BZW2: variants seen among roughly 807,000 people sequenced by gnomAD.
The protein encoded by BZW2 is eIF5-mimic protein 1.
A neutral mutation model predicts 53.2 loss-of-function variants in BZW2; 23 were observed. The observed-to-expected ratio is 0.43, with a 90% CI of 0.31 to 0.61. The LOEUF is 0.61. BZW2 is among the 20% of genes least tolerant of loss of function. The probability of loss-of-function intolerance (pLI) is 0.09; values close to 1 mark genes in which losing one functional copy is unlikely to be tolerated. For synonymous variants in BZW2, 227 were observed against 186.4 expected (o/e 1.22, Z -1.77); for missense variants, 409 against 503.1 (o/e 0.81, Z 1.79).
intron 3 of BZW2, among the ~76,000 whole-genome samples, chr7:16,677,722 C>A (rs769076623): frequency 3.3e-5 from 5 of 152,106 alleles, no homozygotes; most frequent in Non-Finnish European, 7.3e-5. Context: ...GGGATTATTT[C>A]TTTGGCACAC....
rs1782941732 is a variant in BZW2, at chr7:16,681,411, C to T, written c.339+7C>T. On this transcript the variant is annotated splice_region_variant and intron_variant, in intron 4 of 11. Coordinates refer to ENST00000258761, the MANE Select transcript of BZW2 (RefSeq NM_014038.3). ...CATCCGAAACTATGCTCAGGTAGAG[C>T]CTGTTTGAGAGACTGAAGCATTTGA... is the stretch of plus-strand genomic sequence containing the variant. 4.3e-6 allele frequency: 7 copies of T among 1,609,812 alleles called. No homozygotes were observed. Among genetic ancestry groups the T allele is most frequent in the Non-Finnish European group, 5.9e-6 (7 of 1,176,474 alleles).
chr7:16,659,409 G>A (rs1480820508), intron 1 of BZW2, among the ~76,000 whole-genome samples: 15 of 152,222 alleles, frequency 9.9e-5, no homozygotes, highest in Admixed American at 6.5e-5. Context: ...AAATTGTATA[G>A]TGTTATTATA....
At chr7:16,666,050 G>GT (rs976538732) in intron 2 of BZW2, among the ~76,000 whole-genome samples, 1 of 151,950 alleles carries the variant, frequency 6.6e-6, no homozygotes, top group Non-Finnish European at 1.5e-5. Flanking sequence ...GTGAGTGACT[G>GT]TTTTTTTATA....
At chr7:16,646,905 C>T (rs1005930059) in intron 1 of BZW2, among the ~76,000 whole-genome samples, 13 of 152,252 alleles carry the variant, frequency 8.5e-5, no homozygotes, top group South Asian at 8.3e-4. Context: ...CTTCTTTGCT[C>T]TGCTAGAGTT....
chr7:16,659,012 A>G (rs918817538), intron 1 of BZW2, among the ~76,000 whole-genome samples: 1 of 151,922 alleles, frequency 6.6e-6, no homozygotes, highest in Middle Eastern at 3.4e-3. Flanking sequence ...GAGGAATCCC[A>G]GCAATTTGGG....
chr7:16,677,991 T>C (rs1407561151), intron 3 of BZW2, among the ~76,000 whole-genome samples: 1 of 152,056 alleles, frequency 6.6e-6, no homozygotes, highest in East Asian at 1.9e-4. Context: ...ACGTAAGGAC[T>C]GAAGCCAGCT....
At chr7:16,680,333 T>G (rs1202881563) in intron 3 of BZW2, among the ~76,000 whole-genome samples, 1 of 152,154 alleles carries the variant, frequency 6.6e-6, no homozygotes, top group African/African-American at 2.4e-5. Context: ...TTACTGAATA[T>G]TTACTGAAAA....
At chr7:16,650,081 C>T (rs1034368951) in intron 1 of BZW2, among the ~76,000 whole-genome samples, 4 of 151,938 alleles carry the variant, frequency 2.6e-5, no homozygotes, top group East Asian at 1.9e-4. Context: ...CTTGGAGTTT[C>T]GCTTATGTGA....
At chr7:16,687,741 A>C (rs972783146) in intron 6 of BZW2, among the ~76,000 whole-genome samples, 7 of 152,264 alleles carry the variant, frequency 4.6e-5, no homozygotes, top group Non-Finnish European at 1.0e-4. Context: ...AGAAATAAAG[A>C]AAATGGTTAA....
intron 1 of BZW2, among the ~76,000 whole-genome samples, chr7:16,658,575 A>G (rs553231395): frequency 1.3e-5 from 2 of 152,148 alleles, no homozygotes; most frequent in South Asian, 2.1e-4. Context: ...TCTTTTTTCT[A>G]ATATAAAAAT....
At chr7:16,688,161 A>T (rs531737631) in intron 6 of BZW2, among the ~76,000 whole-genome samples, 1 of 152,308 alleles carries the variant, frequency 6.6e-6, no homozygotes, top group East Asian at 1.9e-4. Context: ...TCAAATTGGT[A>T]TATAAGGACA....
chr7:16,704,478 A>G, intron 10 of BZW2, 69 bp from the exon 11 acceptor site: 1 of 1,396,744 alleles, frequency 7.2e-7, no homozygotes, highest in African/African-American at 1.4e-5. Context: ...ATTAAACTGT[A>G]ATACATGAAG....
At chr7:16,684,448 T>C (rs532884069) in intron 5 of BZW2, among the ~76,000 whole-genome samples, 6 of 152,326 alleles carry the variant, frequency 3.9e-5, no homozygotes, top group Admixed American at 2.0e-4. Flanking sequence ...ATTAATATAA[T>C]TGAGCAATGT....
At chr7:16,652,739 G>T (rs956795447) in intron 1 of BZW2, among the ~76,000 whole-genome samples, 2 of 152,056 alleles carry the variant, frequency 1.3e-5, no homozygotes, top group South Asian at 4.1e-4. Context: ...TGGCCAGGCT[G>T]GTTTCGAACA....
chr7:16,704,350 T>A (rs1783767801), intron 10 of BZW2, among the ~76,000 whole-genome samples, 197 bp from the exon 11 acceptor site: 1 of 152,242 alleles, frequency 6.6e-6, no homozygotes, highest in Non-Finnish European at 1.5e-5. Context: ...ATCATCATCA[T>A]CAGTACTTAA....
chr7:16,658,601 G>C (rs1485877888), intron 1 of BZW2, among the ~76,000 whole-genome samples: 2 of 152,116 alleles, frequency 1.3e-5, no homozygotes, highest in African/African-American at 4.8e-5. Flanking sequence ...TGTCGGCCAG[G>C]CGCAGTGGCT....
chr7:16,687,731 A>AG (rs1783170349), intron 6 of BZW2, among the ~76,000 whole-genome samples: 1 of 152,150 alleles, frequency 6.6e-6, no homozygotes. Context: ...ATAAAAAAAA[A>AG]GAAATAAAGA....
chr7:16,691,878 CTG>C (rs10611881), intron 7 of BZW2, among the ~76,000 whole-genome samples: 57,716 of 149,024 alleles, frequency 0.39, 12,092 homozygotes, highest in African/African-American at 0.6. Context: ...TTACTAGGTT[CTG>C]TGTGTGTGTG....
chr7:16,681,677 C>A (rs818506), intron 4 of BZW2, among the ~76,000 whole-genome samples: 1 of 151,866 alleles, frequency 6.6e-6, no homozygotes, highest in African/African-American at 2.4e-5. Context: ...CTAAAAAATA[C>A]AAAAATTAGC....
Sources: allele counts gnomAD v4.1 joint callset (sites outside exome capture counted in the v4.1 genomes callset), GRCh38; gene constraint gnomAD v4.1.1; transcripts MANE v1.5; gene names NCBI Gene and HGNC (gene_info 2026-07-23, HGNC 2026-07-21).